TDRD5: variants seen among roughly 807,000 people sequenced by gnomAD.
TDRD5 encodes the protein tudor domain containing 5.
Under a neutral mutation model 120.6 loss-of-function variants are expected in TDRD5, and 41 were observed. The ratio of observed to expected loss-of-function variants is 0.34; its 90% CI spans 0.26 to 0.44. The LOEUF (loss-of-function observed/expected upper bound fraction) is 0.44, where lower values mean the gene tolerates loss of function less well. Ranked by LOEUF, TDRD5 falls within the 20% of genes least tolerant of loss-of-function variation. TDRD5 has a pLI of 1.00. For synonymous variants in TDRD5, 430 were observed against 433.7 expected, an observed-to-expected ratio of 0.99 and a Z score of 0.11; for missense variants, 1,006 against 1,221.2, an observed-to-expected ratio of 0.82 and a Z score of 2.63.
intron 4 of TDRD5, among the ~76,000 whole-genome samples, chr1:179,610,864 A>G (rs1047736317): frequency 6.6e-6 from 1 of 151,954 alleles, no homozygotes; most frequent in Non-Finnish European, 1.5e-5. Context: ...CAAAATTTCA[A>G]TGAGATTTCT....
At chr1:179,675,160 G>T (rs1309861439) in intron 17 of TDRD5, among the ~76,000 whole-genome samples, 1 of 150,606 alleles carries the variant, frequency 6.6e-6, no homozygotes, top group East Asian at 1.9e-4. Context: ...TAGACTTTTT[G>T]ATATAGGCAT....
At chr1:179,640,131 CTT>C (rs760391272) in intron 10 of TDRD5, 80 bp downstream of exon 10, 14 of 1,464,162 alleles carry the variant, frequency 9.6e-6, no homozygotes, top group Non-Finnish European at 1.3e-5. Context: ...TGGGATCTCT[CTT>C]TTCTCTTGCC....
intron 14 of TDRD5, 80 bp downstream of exon 14, chr1:179,654,442 C>CAGAGTTTATTCCAG: frequency 7.3e-7 from 1 of 1,369,334 alleles, no homozygotes; most frequent in Non-Finnish European, 9.6e-7. Flanking sequence ...CTGGAATAAA[C>CAGAGTTTATTCCAG]TCTGTTTAAA....
At position 179,662,236 on chromosome 1, in the gene TDRD5, A is replaced by C. The variant is rs1315141171; in HGVS notation, c.2455A>C (p.Ser819Arg). 5 of 1,611,230 alleles carry C rather than the reference A, an allele frequency of 3.1e-6. No individual in the cohort carries two copies. In the East Asian group the frequency reaches 6.7e-5, roughly 22 times the overall value. Residue 819 changes from serine (S) to arginine (R), a missense_variant, in exon 15 of 18, where the codon AGC becomes CGC. Physicochemically the swap from Ser to Arg is moderately radical, Grantham distance 110 (BLOSUM62 -1). Transcript: ENST00000444136. ...TGCTGCCTCCCATCTATTTACTGCA[A>C]GCCTTGGTGGAAAGAATCAGTATTC... ...GDAASHLFTA[S>R]LGGKNQYSSC...
chr1:179,612,210 A>C (rs954735080), intron 4 of TDRD5, among the ~76,000 whole-genome samples: 1 of 152,210 alleles, frequency 6.6e-6, no homozygotes, highest in East Asian at 1.9e-4. Context: ...ATGAAGAAAA[A>C]AAAGTTTTTC....
intron 17 of TDRD5, among the ~76,000 whole-genome samples, chr1:179,670,960 C>A (rs1679826236): frequency 6.6e-6 from 1 of 152,138 alleles, no homozygotes; most frequent in Non-Finnish European, 1.5e-5. Context: ...CTAAGATTTT[C>A]TCCTACATTT....
In TDRD5 at chr1:179,634,488, T is replaced by C. The variant is rs1231091754; in HGVS notation, c.1158T>C (p.Ala386=). ...VQSDKKIEAK[A]CVSSPPRNSL... is the part of the protein sequence containing the mutation. Reference sequence around the variant, plus strand: ...CAGATAAGAAAATAGAAGCCAAAGCTTGTGTCTCCAGTCCACCTAGAAATT... The same window carrying C: ...CAGATAAGAAAATAGAAGCCAAAGCCTGTGTCTCCAGTCCACCTAGAAATT... Residue 386 remains alanine, a synonymous_variant, in exon 8 of 18, where the codon GCT becomes GCC. Coordinates refer to ENST00000444136, the MANE Select transcript of TDRD5 (RefSeq NM_001199085.3). 4.4e-6 allele frequency: 7 copies of C among 1,604,610 alleles called. No individual in the cohort carries two copies. In the African/African-American group the frequency reaches 9.4e-5, roughly 22 times the overall value.
chr1:179,688,773 T>C (rs1018848938), intron 17 of TDRD5, among the ~76,000 whole-genome samples: 1 of 152,224 alleles, frequency 6.6e-6, no homozygotes, highest in Non-Finnish European at 1.5e-5. Context: ...TAAACTTCTC[T>C]TCTTGCTTCA....
chr1:179,659,846 C>T (rs184273007), intron 14 of TDRD5, among the ~76,000 whole-genome samples: 277 of 151,776 alleles, frequency 1.8e-3, no homozygotes, highest in African/African-American at 5.7e-3. Flanking sequence ...TACAGGTGTG[C>T]GCCCCATGCC....
intron 4 of TDRD5, among the ~76,000 whole-genome samples, chr1:179,608,603 G>C (rs945651331): frequency 1.3e-5 from 2 of 152,014 alleles, no homozygotes; most frequent in Admixed American, 6.6e-5. Flanking sequence ...GGTATTCCAC[G>C]TGGGTCTTTT....
intron 17 of TDRD5, among the ~76,000 whole-genome samples, chr1:179,671,356 G>A (rs973758804): frequency 2.6e-5 from 4 of 152,130 alleles, no homozygotes; most frequent in African/African-American, 9.7e-5. Flanking sequence ...TAGCTTGTCA[G>A]TATCTGCACA....
intron 4 of TDRD5, among the ~76,000 whole-genome samples, chr1:179,598,687 T>TG (rs1434320863): frequency 6.7e-6 from 1 of 149,794 alleles, no homozygotes; most frequent in African/African-American, 2.4e-5. Flanking sequence ...TTTTTTTTTT[T>TG]GGGTATGTTG....
intron 4 of TDRD5, among the ~76,000 whole-genome samples, chr1:179,610,111 A>G (rs1676205075): frequency 6.6e-6 from 1 of 152,164 alleles, no homozygotes; most frequent in Non-Finnish European, 1.5e-5. Flanking sequence ...GTTGTTTCAT[A>G]CATTTTCCCA....
intron 14 of TDRD5, 144 bp from the exon 15 acceptor site, chr1:179,661,960 G>C (rs922473006): frequency 2.9e-6 from 2 of 681,068 alleles, no homozygotes; most frequent in African/African-American, 3.8e-5. Context: ...TATTTTGGTG[G>C]CATTTCAGAA....
chr1:179,678,175 A>G (rs1338134988), intron 17 of TDRD5, among the ~76,000 whole-genome samples: 1 of 152,160 alleles, frequency 6.6e-6, no homozygotes, highest in Non-Finnish European at 1.5e-5. Context: ...GTTGCCAGGG[A>G]AGTGGGGGAA....
chr1:179,596,792 A>C (rs753174988), intron 4 of TDRD5, among the ~76,000 whole-genome samples: 1 of 152,166 alleles, frequency 6.6e-6, no homozygotes. Context: ...TACATCTTGT[A>C]TGGCCATAGT....
intron 6 of TDRD5, among the ~76,000 whole-genome samples, chr1:179,628,919 TTTG>T (rs141689839): frequency 1.1e-4 from 17 of 151,296 alleles, no homozygotes; most frequent in Admixed American, 2.0e-4. Flanking sequence ...GACTGAGGAA[TTTG>T]TTGTTGTTGT....
At chr1:179,630,015 T>C (rs918550845) in intron 6 of TDRD5, among the ~76,000 whole-genome samples, 3 of 151,098 alleles carry the variant, frequency 2.0e-5, no homozygotes, top group African/African-American at 4.9e-5. Flanking sequence ...AGTCTTGCTC[T>C]GTCACCCAGG....
At position 179,658,780 on chromosome 1, in the gene TDRD5, G is replaced by A. The variant is rs146195083; in HGVS notation, c.2323-3324G>A. Among the ~76,000 whole-genome samples the A allele has an allele frequency of 5.3e-3, 809 of 151,942 alleles. 4 individuals carry two copies. Among genetic ancestry groups the A allele is most frequent in the Non-Finnish European group, 7.5e-3 (507 of 67,902 alleles). ...CTCTTGTCTTTCTGTTTTCAAGTTC[G>A]TTGATTTCTTTCTTTTATTTTCTTT... On this transcript the variant is annotated intron_variant, in intron 14 of 17. Coordinates refer to ENST00000444136, the MANE Select transcript of TDRD5 (RefSeq NM_001199085.3).
Sources: gnomAD v4.1 joint callset for allele counts (sites outside exome capture counted in the v4.1 genomes callset) on GRCh38, gnomAD v4.1.1 for gene constraint, MANE v1.5 for transcripts, NCBI Gene and HGNC (gene_info 2026-07-23, HGNC 2026-07-21) for gene names.